Variants in LINGO2 observed in about 807,000 individuals in gnomAD.
LINGO2 encodes the protein leucine-rich repeat and immunoglobulin-like domain-containing nogo receptor-interacting protein 2.
A neutral mutation model predicts 30.6 loss-of-function variants in LINGO2; 14 were observed. The observed-to-expected ratio is 0.46, with a 90% CI of 0.30 to 0.72. The LOEUF is 0.72. Among genes scored for constraint, LINGO2 ranks in the 30% least tolerant of loss-of-function variants. The probability of loss-of-function intolerance (pLI) is 0.07; values close to 1 mark genes in which losing one functional copy is unlikely to be tolerated. For synonymous variants in LINGO2, 317 were observed against 288.5 expected (o/e 1.10, Z -1.00); for missense variants, 729 against 751.7 (o/e 0.97, Z 0.35).
chr9:28,645,185 A>G (rs1051712196), intron 1 of LINGO2, among the ~76,000 whole-genome samples: 1 of 152,086 alleles, frequency 6.6e-6, no homozygotes, highest in Non-Finnish European at 1.5e-5. Context: ...TGAATTAGTT[A>G]TGGTGAGTTA....
intron 1 of LINGO2, among the ~76,000 whole-genome samples, chr9:28,479,829 A>G (rs1445681455): frequency 1.4e-5 from 2 of 138,228 alleles, no homozygotes; most frequent in African/African-American, 5.4e-5. Flanking sequence ...TGTCTTAACT[A>G]CTGGAACCAT....
At chr9:28,449,109 T>C (rs1824547054) in intron 2 of LINGO2, among the ~76,000 whole-genome samples, 1 of 151,174 alleles carries the variant, frequency 6.6e-6, no homozygotes, top group Non-Finnish European at 1.5e-5. Context: ...GTTTTAATAT[T>C]GGCCTTTTCT....
At chr9:28,211,279 C>A (rs964849712) in intron 4 of LINGO2, among the ~76,000 whole-genome samples, 3 of 150,438 alleles carry the variant, frequency 2.0e-5, no homozygotes, top group Non-Finnish European at 4.4e-5. Context: ...CAAGAAAACT[C>A]CAAATTCCTT....
the LINGO2 span, among the ~76,000 whole-genome samples, chr9:28,831,070 A>T: frequency 6.6e-6 from 1 of 152,310 alleles, no homozygotes; most frequent in Non-Finnish European, 1.5e-5. Context: ...TTCTTTTGGT[A>T]TGTAAGGGAT....
intron 3 of LINGO2, among the ~76,000 whole-genome samples, chr9:28,319,905 G>C (rs1433085722): frequency 6.6e-6 from 1 of 152,048 alleles, no homozygotes. Flanking sequence ...AAAGAAAAAG[G>C]TATTAATGCT....
the LINGO2 span, among the ~76,000 whole-genome samples, chr9:28,744,420 A>T: frequency 6.6e-6 from 1 of 151,910 alleles, no homozygotes; most frequent in Non-Finnish European, 1.5e-5. Flanking sequence ...ACAGCTCATA[A>T]GTTTTTGTTC....
At chr9:29,077,144 G>A in the LINGO2 span, among the ~76,000 whole-genome samples, 1 of 151,930 alleles carries the variant, frequency 6.6e-6, no homozygotes, top group African/African-American at 2.4e-5. Context: ...CCTATCAAAT[G>A]TGAATCTTAT....
intron 4 of LINGO2, among the ~76,000 whole-genome samples, chr9:28,260,676 TTATACC>T (rs1266420319): frequency 6.6e-6 from 1 of 151,922 alleles, no homozygotes; most frequent in Non-Finnish European, 1.5e-5. Flanking sequence ...ATACCTAGAA[TTATACC>T]TATACCTGTA....
At chr9:27,986,419 C>T (rs888457166) in intron 5 of LINGO2, among the ~76,000 whole-genome samples, 4 of 151,838 alleles carry the variant, frequency 2.6e-5, no homozygotes, top group Admixed American at 6.6e-5. Context: ...GGGAGGTAAG[C>T]TGTCCACAGC....
the LINGO2 span, among the ~76,000 whole-genome samples, chr9:28,949,333 A>C: frequency 6.6e-6 from 1 of 152,128 alleles, no homozygotes; most frequent in Non-Finnish European, 1.5e-5. Flanking sequence ...GTTTTTGAAA[A>C]GATTAACAAA....
At chr9:28,528,112 A>G (rs1368777947) in intron 1 of LINGO2, among the ~76,000 whole-genome samples, 2 of 152,192 alleles carry the variant, frequency 1.3e-5, no homozygotes, top group Non-Finnish European at 2.9e-5. Flanking sequence ...GCTGTGGAAG[A>G]ATACAACCAT....
the LINGO2 span, among the ~76,000 whole-genome samples, chr9:29,212,786 T>G: frequency 6.6e-6 from 1 of 152,128 alleles, no homozygotes; most frequent in African/African-American, 2.4e-5. Flanking sequence ...CTCCCTGACT[T>G]GCCAGGCGGG....
chr9:28,837,299 C>T, the LINGO2 span, among the ~76,000 whole-genome samples: 1 of 152,008 alleles, frequency 6.6e-6, no homozygotes, highest in Admixed American at 6.6e-5. Flanking sequence ...TAGTTTCCAG[C>T]CTATGCTCCA....
intron 1 of LINGO2, chr9:28,598,769 G>A (rs1563853739): frequency 6.6e-6 from 1 of 152,180 alleles, no homozygotes; most frequent in Non-Finnish European, 1.5e-5. Flanking sequence ...TTCAGGAAAT[G>A]TCCATTCTCT....
downstream of LINGO2, chr9:27,944,572 G>C (rs1050183332): frequency 6.6e-6 from 1 of 152,024 alleles, no homozygotes; most frequent in Non-Finnish European, 1.5e-5. Flanking sequence ...TATACCCAAA[G>C]GCAGAATAAT....
At chr9:28,478,808 T>C (rs562647388) in intron 1 of LINGO2, among the ~76,000 whole-genome samples, 2 of 152,168 alleles carry the variant, frequency 1.3e-5, no homozygotes, top group African/African-American at 2.4e-5. Flanking sequence ...TGAAGATAAG[T>C]GTGCACCCTG....
intron 1 of LINGO2, among the ~76,000 whole-genome samples, chr9:28,512,242 C>G (rs566906784): frequency 2.6e-5 from 4 of 152,112 alleles, no homozygotes; most frequent in Non-Finnish European, 5.9e-5. Flanking sequence ...GACTTGATGT[C>G]CCATAGTCAC....
the LINGO2 span, among the ~76,000 whole-genome samples, chr9:28,969,955 C>T: frequency 1.3e-3 from 192 of 152,166 alleles, no homozygotes; most frequent in African/African-American, 4.5e-3. Flanking sequence ...TCTAGAAATC[C>T]GGAGCACAGA....
At chr9:28,194,559 C>A (rs1468221376) in intron 4 of LINGO2, among the ~76,000 whole-genome samples, 1 of 73,302 alleles carries the variant, frequency 1.4e-5, no homozygotes, top group African/African-American at 4.2e-5. Flanking sequence ...AACTCTCTAT[C>A]CTAAAAAAAA....
Sources: allele counts gnomAD v4.1 joint callset (sites outside exome capture counted in the v4.1 genomes callset), GRCh38; gene constraint gnomAD v4.1.1; transcripts MANE v1.5; gene names NCBI Gene and HGNC (gene_info 2026-07-23, HGNC 2026-07-21).